Variants in AHDC1 observed in about 807,000 individuals in gnomAD.
The protein encoded by AHDC1 is AT-hook DNA binding motif containing 1.
AHDC1 carries 7 observed loss-of-function variants against 87.9 expected under a neutral mutation model. The ratio of observed to expected loss-of-function variants is 0.08; its 90% CI spans 0.05 to 0.15. The LOEUF is 0.15. AHDC1 is among the 10% of genes least tolerant of loss of function. The probability of loss-of-function intolerance (pLI) is 1.00; values close to 1 mark genes in which losing one functional copy is unlikely to be tolerated. For missense variants in AHDC1, 1,841 were observed against 2,253.2 expected (o/e 0.82, Z 3.70); for synonymous variants, 1,051 against 1,006.8 (o/e 1.04, Z -0.83).
At chr1:27,586,645 C>T (rs1209620742) in intron 3 of AHDC1, among the ~76,000 whole-genome samples, 3 of 151,878 alleles carry the variant, frequency 2.0e-5, no homozygotes, top group Admixed American at 6.5e-5. Context: ...GCGTGTGTCA[C>T]CAAAACCTGC....
rs1265761659 is a variant in AHDC1 at position 27,560,198 on chromosome 1, TTTTGTGTGTG to T, written c.-628-1325_-628-1316del. Among the ~76,000 whole-genome samples, 1 of 56,902 alleles carries T rather than the reference TTTTGTGTGTG, an allele frequency of 1.8e-5. No homozygotes were observed. Among genetic ancestry groups the T allele is most frequent in the East Asian group, 4.9e-4 (1 of 2,024 alleles). 37.3% of individuals were successfully genotyped at this position (56,902 alleles called of 152,430 possible). ...CACTTTTCACGTTTATTTCTATTCG[TTTTGTGTGTG>T]TGTGTGTGTGTGTGTGAGTCTAGCT... On this transcript the variant is annotated intron_variant, in intron 3 of 8. Coordinates refer to ENST00000673934, the MANE Select transcript of AHDC1 (RefSeq NM_001371928.1). The surrounding 1 kb of genome is among the most constrained non-coding windows in gnomAD (Gnocchi z 4.1).
intron 3 of AHDC1, among the ~76,000 whole-genome samples, chr1:27,596,899 C>T (rs1032466745): frequency 6.6e-6 from 1 of 152,104 alleles, no homozygotes; most frequent in African/African-American, 2.4e-5. Flanking sequence ...CTGTCACACC[C>T]GTACCCTATC....
At chr1:27,537,379 C>A (rs1288359135) in intron 8 of AHDC1, among the ~76,000 whole-genome samples, 1 of 152,218 alleles carries the variant, frequency 6.6e-6, no homozygotes, top group Non-Finnish European at 1.5e-5. Context: ...GAGACAGGGG[C>A]TGTGCCACGG....
At chr1:27,603,228 G>A (rs1215425633) in intron 3 of AHDC1, among the ~76,000 whole-genome samples, 169 bp downstream of exon 3, 2 of 139,140 alleles carry the variant, frequency 1.4e-5, no homozygotes, top group African/African-American at 5.3e-5. Flanking sequence ...GAGCCCAGCC[G>A]AGCCGCGGGC....
intron 5 of AHDC1, among the ~76,000 whole-genome samples, chr1:27,555,604 T>C (rs533249744): frequency 2.6e-4 from 39 of 152,254 alleles, no homozygotes; most frequent in African/African-American, 7.0e-4. Flanking sequence ...GGTGACACCC[T>C]CACAAACGAG....
Position 27,548,289 on chromosome 1 carries a change from C to T in AHDC1, c.3827G>A (p.Gly1276Asp). 1 of 1,607,318 alleles carries T rather than the reference C, an allele frequency of 6.2e-7. No homozygotes were observed. Among genetic ancestry groups the T allele is most frequent in the South Asian group, 1.1e-5 (1 of 90,984 alleles). The change falls in exon 8 of 9, where the codon GGC becomes GAC. Residue 1276 changes from glycine (G) to aspartate (D), a missense_variant. By Grantham distance (94) the Gly-to-Asp change is moderately conservative (BLOSUM62 -1). Coordinates refer to ENST00000673934, the MANE Select transcript of AHDC1 (RefSeq NM_001371928.1). ...CTTCTTGGCTGAGCAGGCCCCACCG[C>T]CCCGTCCACCTCGCGGCTGCCGGGG... ...TGPRQPRGGRGGGACSAKKER... is the reference protein window; with the variant it reads ...TGPRQPRGGRDGGACSAKKER...
At chr1:27,578,598 A>C (rs2088823022) in intron 3 of AHDC1, among the ~76,000 whole-genome samples, 1 of 152,138 alleles carries the variant, frequency 6.6e-6, no homozygotes, top group African/African-American at 2.4e-5. Flanking sequence ...CAAAAAAAAA[A>C]AGAAAGATAA....
intron 3 of AHDC1, among the ~76,000 whole-genome samples, chr1:27,584,166 G>A (rs1167955311): frequency 2.0e-5 from 3 of 152,182 alleles, no homozygotes; most frequent in Non-Finnish European, 4.4e-5. Context: ...CAGCTCCCAG[G>A]GGCTGGGATT....
intron 8 of AHDC1, among the ~76,000 whole-genome samples, chr1:27,541,026 A>C (rs1571210722): frequency 1.7e-5 from 2 of 119,494 alleles, no homozygotes; most frequent in East Asian, 2.6e-4. Context: ...AAAAAAAAAA[A>C]CAACAACAAA....
At chr1:27,535,829 C>A (rs1345046947) in intron 8 of AHDC1, among the ~76,000 whole-genome samples, 3 of 152,134 alleles carry the variant, frequency 2.0e-5, no homozygotes, top group Non-Finnish European at 4.4e-5. Flanking sequence ...GGGGATCTGA[C>A]TTCCCTACCC....
intron 3 of AHDC1, among the ~76,000 whole-genome samples, chr1:27,599,565 T>G (rs2089474400): frequency 6.6e-6 from 1 of 152,206 alleles, no homozygotes; most frequent in Non-Finnish European, 1.5e-5. Flanking sequence ...GCCAAAGGTA[T>G]CTGTGACCCT....
At chr1:27,568,397 A>G in intron 3 of AHDC1, 1 of 152,252 alleles carries the variant, frequency 6.6e-6, no homozygotes, top group African/African-American at 2.4e-5. Context: ...TCCAGGAGAG[A>G]GGTCTTGTGA....
At chr1:27,590,000 A>G (rs999301442) in intron 3 of AHDC1, among the ~76,000 whole-genome samples, 1 of 151,988 alleles carries the variant, frequency 6.6e-6, no homozygotes, top group Non-Finnish European at 1.5e-5. Context: ...GGGCTCCAGG[A>G]CATGTGACTG....
intron 3 of AHDC1, among the ~76,000 whole-genome samples, chr1:27,602,207 C>A (rs902551083): frequency 6.6e-6 from 1 of 152,026 alleles, no homozygotes; most frequent in Non-Finnish European, 1.5e-5. Flanking sequence ...GGGGAGACTC[C>A]CCACCCCTCC....
intron 3 of AHDC1, among the ~76,000 whole-genome samples, chr1:27,586,398 C>T (rs561917139): frequency 6.6e-6 from 1 of 152,090 alleles, no homozygotes; most frequent in South Asian, 2.1e-4. Flanking sequence ...CCCTCTCCCC[C>T]ACAGCTAACC....
At chr1:27,603,365 G>A (rs1432886026) in intron 3 of AHDC1, 32 bp downstream of exon 3, 1 of 152,460 alleles carries the variant, frequency 6.6e-6, no homozygotes, top group Admixed American at 6.5e-5. Context: ...TCCCCAGCGG[G>A]GGTCTGGGGC....
Position 27,563,334 on chromosome 1 carries a change from A to T in AHDC1, c.-628-4451T>A, listed in dbSNP as rs1035688377. ...CACACACACACAGAACCTGTCACAC[A>T]GCTGACCAAGACACACACACACACA... is the stretch of plus-strand genomic sequence containing the variant. On this transcript the variant is annotated intron_variant, in intron 3 of 8. Coordinates refer to ENST00000673934, the MANE Select transcript of AHDC1 (RefSeq NM_001371928.1). The surrounding 1 kb of genome is among the most constrained non-coding windows in gnomAD (Gnocchi z 6.1). Among the ~76,000 whole-genome samples, 42 of 150,548 alleles carry T rather than the reference A, an allele frequency of 2.8e-4. 2 individuals are homozygous for T. Among genetic ancestry groups the T allele is most frequent in the African/African-American group, 1.0e-3 (41 of 40,144 alleles).
intron 3 of AHDC1, among the ~76,000 whole-genome samples, chr1:27,569,904 G>T (rs1367845053): frequency 6.6e-6 from 1 of 152,224 alleles, no homozygotes; most frequent in South Asian, 2.1e-4. Flanking sequence ...TTTCCTGGGG[G>T]AGGCGGCACT....
At chr1:27,576,064 G>C (rs913692909) in intron 3 of AHDC1, among the ~76,000 whole-genome samples, 1 of 152,116 alleles carries the variant, frequency 6.6e-6, no homozygotes, top group African/African-American at 2.4e-5. Context: ...TCGGGCAGTG[G>C]CTCCAGGGCG....
Sources: allele counts gnomAD v4.1 joint callset (sites outside exome capture counted in the v4.1 genomes callset), GRCh38; gene constraint gnomAD v4.1.1; non-coding constraint Gnocchi (gnomAD v3.1); transcripts MANE v1.5; gene names NCBI Gene and HGNC (gene_info 2026-07-23, HGNC 2026-07-21).